NKAIN2: variants seen among roughly 807,000 people sequenced by gnomAD.
The protein encoded by NKAIN2 is sodium/potassium transporting ATPase interacting 2.
Under a neutral mutation model 32.6 loss-of-function variants are expected in NKAIN2, and 14 were observed. The observed-to-expected ratio is 0.43, with a 90% CI of 0.28 to 0.67. NKAIN2 has a LOEUF of 0.67. NKAIN2 is among the 30% of genes least tolerant of loss of function. The pLI is 0.17. For missense variants in NKAIN2, 198 were observed against 258.3 expected (o/e 0.77, Z 1.60); for synonymous variants, 80 against 87.2 (o/e 0.92, Z 0.46).
At chr6:124,156,560 G>C (rs1443612484) in intron 1 of NKAIN2, among the ~76,000 whole-genome samples, 1 of 152,118 alleles carries the variant, frequency 6.6e-6, no homozygotes, top group Admixed American at 6.6e-5. Flanking sequence ...CAGTGTATCT[G>C]AAACATAGAG....
chr6:123,883,894 CAAA>C (rs369070419), intron 1 of NKAIN2, among the ~76,000 whole-genome samples: 32 of 63,858 alleles, frequency 5.0e-4, no homozygotes, highest in African/African-American at 1.6e-3. Flanking sequence ...GACTCTGTCT[CAAA>C]AAAAAAAAAA....
intron 1 of NKAIN2, among the ~76,000 whole-genome samples, chr6:124,127,287 C>T (rs1786222196): frequency 6.6e-6 from 1 of 152,058 alleles, no homozygotes; most frequent in African/African-American, 2.4e-5. Flanking sequence ...TACAAATGAG[C>T]TGGTATAGTC....
chr6:124,088,439 A>G (rs1784284500), intron 1 of NKAIN2, among the ~76,000 whole-genome samples: 1 of 152,020 alleles, frequency 6.6e-6, no homozygotes, highest in African/African-American at 2.4e-5. Flanking sequence ...ACCACTGGCA[A>G]GGAGCTCAAT....
intron 1 of NKAIN2, among the ~76,000 whole-genome samples, chr6:124,082,133 C>T (rs1008174782): frequency 3.3e-5 from 5 of 151,952 alleles, no homozygotes; most frequent in Non-Finnish European, 5.9e-5. Flanking sequence ...GAAACCATAG[C>T]ATGGTGGTGG....
At chr6:123,830,469 T>C (rs2114911339) in intron 1 of NKAIN2, among the ~76,000 whole-genome samples, 1 of 152,292 alleles carries the variant, frequency 6.6e-6, no homozygotes, top group African/African-American at 2.4e-5. Context: ...CTCACTGTCT[T>C]CTGGTATTCT....
intron 1 of NKAIN2, among the ~76,000 whole-genome samples, chr6:124,142,331 A>G (rs920710792): frequency 3.9e-5 from 6 of 152,180 alleles, no homozygotes; most frequent in Admixed American, 3.9e-4. Context: ...TGATGTGATT[A>G]CCATATTTTA....
At chr6:124,263,144 GT>G (rs1300846867) in intron 1 of NKAIN2, among the ~76,000 whole-genome samples, 1 of 152,126 alleles carries the variant, frequency 6.6e-6, no homozygotes, top group Non-Finnish European at 1.5e-5. Context: ...GGCTTCTAGG[GT>G]TTAAGTCACT....
At chr6:123,824,977 G>T (rs1774087734) in intron 1 of NKAIN2, among the ~76,000 whole-genome samples, 1 of 152,088 alleles carries the variant, frequency 6.6e-6, no homozygotes, top group African/African-American at 2.4e-5. Flanking sequence ...GTGACAAATG[G>T]CATATCAACC....
chr6:124,195,807 G>T (rs802282), intron 1 of NKAIN2, among the ~76,000 whole-genome samples: 105,766 of 151,808 alleles, frequency 0.7, 37,116 homozygotes, highest in South Asian at 0.75. Flanking sequence ...TTGTTGTTGC[G>T]GTGTTTTTTA....
At chr6:124,421,000 C>T (rs549712582) in intron 3 of NKAIN2, among the ~76,000 whole-genome samples, 1 of 148,140 alleles carries the variant, frequency 6.8e-6, no homozygotes, top group African/African-American at 2.5e-5. Context: ...ACTCATTTCT[C>T]ATTAGAAGTT....
At chr6:124,727,624 T>C (rs9385342) in intron 4 of NKAIN2, among the ~76,000 whole-genome samples, 88,860 of 149,538 alleles carry the variant, frequency 0.59, 26,928 homozygotes, top group East Asian at 0.71. Context: ...TAAAGACCAT[T>C]GAGACTAGGA....
intron 3 of NKAIN2, among the ~76,000 whole-genome samples, chr6:124,357,054 A>G (rs12529386): frequency 0.23 from 34,921 of 152,136 alleles, 4,086 homozygotes; most frequent in Admixed American, 0.3. Context: ...TCATGACCTC[A>G]GACACAGGCA....
chr6:124,041,782 C>T (rs546028768), intron 1 of NKAIN2, among the ~76,000 whole-genome samples: 4 of 152,006 alleles, frequency 2.6e-5, no homozygotes, highest in Non-Finnish European at 5.9e-5. Context: ...GGAATGAATA[C>T]AAAATCACTG....
chr6:124,037,380 C>T (rs1375878857), intron 1 of NKAIN2, among the ~76,000 whole-genome samples: 2 of 152,074 alleles, frequency 1.3e-5, no homozygotes. Context: ...AATTTTATAT[C>T]AATAATCTTT....
At chr6:124,728,765 A>G (rs1776472263) in intron 4 of NKAIN2, among the ~76,000 whole-genome samples, 1 of 151,942 alleles carries the variant, frequency 6.6e-6, no homozygotes, top group African/African-American at 2.4e-5. Context: ...TAATGAAACC[A>G]GGAGCTGGTT....
chr6:124,178,458 C>T (rs1384860003), intron 1 of NKAIN2, among the ~76,000 whole-genome samples: 4 of 151,848 alleles, frequency 2.6e-5, no homozygotes, highest in East Asian at 2.0e-4. Context: ...CCACCATGCC[C>T]GGCTAATTTT....
At chr6:124,784,086 A>G (rs1019025090) in intron 4 of NKAIN2, among the ~76,000 whole-genome samples, 1 of 152,200 alleles carries the variant, frequency 6.6e-6, no homozygotes, top group Non-Finnish European at 1.5e-5. Flanking sequence ...GTTTAGATAT[A>G]TTTATAACTC....
intron 3 of NKAIN2, among the ~76,000 whole-genome samples, chr6:124,466,857 T>C (rs1776779400): frequency 6.6e-6 from 1 of 152,130 alleles, no homozygotes; most frequent in Non-Finnish European, 1.5e-5. Flanking sequence ...ATGTTTTCTT[T>C]CCAATTATGA....
intron 6 of NKAIN2, among the ~76,000 whole-genome samples, chr6:124,821,351 A>G (rs188506568): frequency 1.3e-5 from 2 of 152,206 alleles, no homozygotes; most frequent in Non-Finnish European, 2.9e-5. Context: ...GCTTGCTACT[A>G]ATAATATTAC....
Sources: allele counts gnomAD v4.1 joint callset (sites outside exome capture counted in the v4.1 genomes callset), GRCh38; gene constraint gnomAD v4.1.1; transcripts MANE v1.5; gene names NCBI Gene and HGNC (gene_info 2026-07-23, HGNC 2026-07-21).